RBL2: variants seen among roughly 807,000 people sequenced by gnomAD.
RBL2 encodes RB transcriptional corepressor like 2.
A neutral mutation model predicts 126.0 loss-of-function variants in RBL2; 56 were observed. That is an observed-to-expected ratio of 0.44 (90% confidence interval 0.36 to 0.56). The LOEUF is 0.56. RBL2 is among the 20% of genes least tolerant of loss of function. RBL2 has a pLI of 0.00. For synonymous variants in RBL2, 454 were observed against 478.5 expected, an observed-to-expected ratio of 0.95 and a Z score of 0.67; for missense variants, 1,229 against 1,398.2, an observed-to-expected ratio of 0.88 and a Z score of 1.93.
At position 53,442,766 on chromosome 16, in the gene RBL2, T is replaced by C; in HGVS notation, c.480T>C (p.Ala160=). The C allele has an allele frequency of 6.2e-7, 1 of 1,613,086 alleles. No homozygotes were observed. The highest frequency in any genetic ancestry group is 8.5e-7 in the Non-Finnish European group (1 of 1,179,036). The change falls in exon 3 of 22, where the codon GCT becomes GCC. Residue 160 remains alanine, a synonymous_variant. Coordinates refer to ENST00000262133, the MANE Select transcript of RBL2 (RefSeq NM_005611.4). ...ERLERNFTVS[A]VIFKKYEPIF... ...TAGAAAGAAACTTCACTGTTTCTGC[T>C]GTAATTTTTAAGAAATATGAACCCA...
intron 3 of RBL2, among the ~76,000 whole-genome samples, chr16:53,445,523 A>T (rs533971934): frequency 3.3e-5 from 5 of 152,286 alleles, no homozygotes; most frequent in African/African-American, 1.2e-4. Context: ...TGTGATACTC[A>T]TACTATTGTT....
chr16:53,452,597 A>G (rs2058125694), intron 5 of RBL2, among the ~76,000 whole-genome samples: 1 of 151,920 alleles, frequency 6.6e-6, no homozygotes. Context: ...TCTCATTTCT[A>G]TCATAACTCC....
At position 53,470,870 on chromosome 16, in the gene RBL2, T is replaced by C. The variant is rs369509624; in HGVS notation, c.2651T>C (p.Met884Thr). 1 of 1,614,070 alleles carries C rather than the reference T, an allele frequency of 6.2e-7. No homozygotes were observed. The highest frequency in any genetic ancestry group is 8.5e-7 in the Non-Finnish European group (1 of 1,180,026). Residue 884 changes from methionine (M) to threonine (T), a missense_variant, in exon 17 of 22, where the codon ATG (methionine) becomes ACG (threonine). By Grantham distance (81) the Met-to-Thr change is moderately conservative. This residue lies in a region of RBL2 where 1,070 missense variants were observed against 1,274.3 expected (regional missense o/e 0.84). Transcript: ENST00000262133. ...FSIIQCPELM[M>T]DRHLDQLLMC... ...ATAATTCAGTGTCCTGAACTTATGA[T>C]GGACAGACATCTGGACCAGTTATTA...
intron 21 of RBL2, among the ~76,000 whole-genome samples, chr16:53,486,952 A>T (rs757314735): frequency 8.6e-5 from 13 of 151,976 alleles, no homozygotes; most frequent in Non-Finnish European, 1.9e-4. Flanking sequence ...TGAATACCAT[A>T]ACATTTTAAA....
rs1159028283 is a variant in RBL2, at chr16:53,453,597, A to C, written c.912A>C (p.Lys304Asn). 1 of 1,607,270 alleles carries C rather than the reference A, an allele frequency of 6.2e-7. No homozygotes were observed. Among genetic ancestry groups the C allele is most frequent in the East Asian group, 2.2e-5 (1 of 44,738 alleles). ...ATTTCTGGAAACCCTATATTAGGAA[A>C]CTTTATGAAAAAAAGGTTTGTAAGT... is the stretch of plus-strand genomic sequence containing the variant. Reference protein sequence around the residue: ...KEHFWKPYIRKLYEKKLLKGK... With the variant: ...KEHFWKPYIRNLYEKKLLKGK... The change falls in exon 6 of 22, where the codon AAA becomes AAC. Residue 304 changes from lysine (K) to asparagine (N), a missense_variant. By Grantham distance (94) the Lys-to-Asn change is moderately conservative (BLOSUM62 0). This residue lies in a region of RBL2 where 1,070 missense variants were observed against 1,274.3 expected (regional missense o/e 0.84). Transcript: ENST00000262133.
intron 3 of RBL2, among the ~76,000 whole-genome samples, chr16:53,443,880 A>T (rs1015605058): frequency 2.0e-5 from 3 of 152,248 alleles, no homozygotes; most frequent in Non-Finnish European, 2.9e-5. Flanking sequence ...TTTACATTTT[A>T]ATATAGATGG....
chr16:53,456,077 G>A (rs2058164543), intron 8 of RBL2, among the ~76,000 whole-genome samples: 1 of 152,142 alleles, frequency 6.6e-6, no homozygotes, highest in Non-Finnish European at 1.5e-5. Flanking sequence ...TTGCGAGGCT[G>A]AGTTAGGAGG....
intron 3 of RBL2, among the ~76,000 whole-genome samples, chr16:53,444,358 G>C (rs1458372329): frequency 6.6e-6 from 1 of 151,774 alleles, no homozygotes; most frequent in Non-Finnish European, 1.5e-5. Context: ...TTCGAGACCA[G>C]CCTGGCCAAC....
chr16:53,463,941 C>T (rs954020286), intron 11 of RBL2, among the ~76,000 whole-genome samples: 5 of 152,092 alleles, frequency 3.3e-5, no homozygotes, highest in Non-Finnish European at 7.4e-5. Context: ...TTCTTCTAAG[C>T]ATCAGTGTGT....
intron 9 of RBL2, among the ~76,000 whole-genome samples, chr16:53,460,457 G>T (rs769142049): frequency 6.6e-6 from 1 of 152,168 alleles, no homozygotes; most frequent in Non-Finnish European, 1.5e-5. Context: ...TACTCAACAA[G>T]TTATATCTCT....
intron 21 of RBL2, chr16:53,488,075 CTT>C (rs1961245423): frequency 6.6e-6 from 1 of 152,178 alleles, no homozygotes; most frequent in Non-Finnish European, 1.5e-5. Context: ...GAAATGGAAA[CTT>C]ATGTTTAGAC....
intron 8 of RBL2, among the ~76,000 whole-genome samples, chr16:53,457,942 T>G (rs1475960761): frequency 6.6e-6 from 1 of 152,180 alleles, no homozygotes; most frequent in African/African-American, 2.4e-5. Context: ...CAAGGTGTTT[T>G]TCCCTCCCAG....
chr16:53,436,525 A>T (rs1190675677), intron 1 of RBL2, among the ~76,000 whole-genome samples: 1 of 152,212 alleles, frequency 6.6e-6, no homozygotes, highest in African/African-American at 2.4e-5. Context: ...TAGGTGCTGG[A>T]TATAGAGCAG....
At chr16:53,461,990 C>A in intron 10 of RBL2, 140 bp downstream of exon 10, 2 of 652,962 alleles carry the variant, frequency 3.1e-6, no homozygotes, top group South Asian at 2.1e-5. Flanking sequence ...TTTTTCTGGT[C>A]AACCAACTGA....
At chr16:53,476,987 G>A (rs75238329) in intron 17 of RBL2, among the ~76,000 whole-genome samples, 2,565 of 152,080 alleles carry the variant, frequency 0.017, 31 homozygotes, top group Non-Finnish European at 0.029. Context: ...CTTTGCCTTT[G>A]CAGCTTTGCT....
At chr16:53,470,972 G>C in intron 17 of RBL2, 50 bp downstream of exon 17, 1 of 1,527,456 alleles carries the variant, frequency 6.5e-7, no homozygotes, top group Non-Finnish European at 8.9e-7. Context: ...TCATTACTGA[G>C]AACATTTTTT....
chr16:53,457,781 C>T (rs1466967311), intron 8 of RBL2, among the ~76,000 whole-genome samples: 8 of 152,206 alleles, frequency 5.3e-5, no homozygotes, highest in Non-Finnish European at 1.2e-4. Flanking sequence ...AAGCTAAGCA[C>T]AGTGCTACCA....
In RBL2 at chr16:53,451,733, T is replaced by C; in HGVS notation, c.668T>C (p.Val223Ala). 6.2e-7 allele frequency: 1 copy of C among 1,613,492 alleles called. No individual in the cohort carries two copies. The highest frequency in any genetic ancestry group is 8.5e-7 in the Non-Finnish European group (1 of 1,179,508). The change falls in exon 5 of 22, where the codon GTC becomes GCC. Residue 223 changes from valine (V) to alanine (A), a missense_variant. Val to Ala is a moderately conservative substitution (Grantham distance 64, BLOSUM62 0). Coordinates refer to ENST00000262133, the MANE Select transcript of RBL2 (RefSeq NM_005611.4). ...GNFPMISDDLVNSYHLLLCAL... is the reference protein window; with the variant it reads ...GNFPMISDDLANSYHLLLCAL... The stretch of plus-strand genomic sequence containing the variant: ...TTCCCCATGATTAGTGATGATTTGG[T>C]CAATTCTTATCACCTGCTGCTGTGT...
At chr16:53,438,163 TG>T (rs1253556884) in intron 1 of RBL2, among the ~76,000 whole-genome samples, 3 of 152,216 alleles carry the variant, frequency 2.0e-5, no homozygotes, top group Non-Finnish European at 2.9e-5. Flanking sequence ...GAATTCAGGC[TG>T]GGGACAGTGT....
Sources: allele counts gnomAD v4.1 joint callset (sites outside exome capture counted in the v4.1 genomes callset), GRCh38; gene constraint gnomAD v4.1.1; regional missense constraint gnomAD v4.1.1; transcripts MANE v1.5; gene names NCBI Gene and HGNC (gene_info 2026-07-23, HGNC 2026-07-21).